USP3: variants seen among roughly 807,000 people sequenced by gnomAD.
USP3 encodes the protein ubiquitin specific peptidase 3.
USP3 carries 20 observed loss-of-function variants against 72.3 expected under a neutral mutation model. The ratio of observed to expected loss-of-function variants is 0.28; its 90% CI spans 0.19 to 0.40. USP3 has a LOEUF of 0.40. USP3 is among the 10% of genes least tolerant of loss of function. The pLI, the probability that USP3 is intolerant of heterozygous loss-of-function variation, is 1.00. For synonymous variants in USP3, 222 were observed against 225.3 expected, an observed-to-expected ratio of 0.99 and a Z score of 0.13; for missense variants, 479 against 633.9, an observed-to-expected ratio of 0.76 and a Z score of 2.62.
Position 63,547,722 on chromosome 15 carries a change from T to TAG in USP3, c.285-5972_285-5971dup, listed in dbSNP as rs138124125. 1.3e-3 allele frequency among the ~76,000 whole-genome samples: 90 copies of TAG among 68,096 alleles called. 2 individuals are homozygous for TAG. Among genetic ancestry groups the TAG allele is most frequent in the African/African-American group, 5.2e-3 (84 of 16,242 alleles). 44.7% of individuals were successfully genotyped at this position (68,096 alleles called of 152,430 possible). On this transcript the variant is annotated intron_variant, in intron 3 of 14. Transcript: ENST00000380324. ...GCTGCAGAGCAAGACCCTGTCTCAA[T>TAG]AGAGAGAGAGAGAGAGAGAGAGGGA...
intron 1 of USP3, among the ~76,000 whole-genome samples, chr15:63,523,377 ATAG>A (rs1249199369): frequency 6.6e-6 from 1 of 152,224 alleles, no homozygotes; most frequent in Non-Finnish European, 1.5e-5. Context: ...ATAGAATAAA[ATAG>A]TAGAGCTACA....
intron 3 of USP3, chr15:63,542,223 A>G: frequency 1.0e-6 from 1 of 982,284 alleles, no homozygotes; most frequent in Non-Finnish European, 1.2e-6. Flanking sequence ...TGGGTATGAC[A>G]TATATGTTAT....
At chr15:63,530,351 C>G (rs994397232) in intron 1 of USP3, 1 of 139,390 alleles carries the variant, frequency 7.2e-6, no homozygotes, top group Non-Finnish European at 1.5e-5. Flanking sequence ...TCCTGAGGCA[C>G]AGTTTGCTCT....
At chr15:63,509,745 G>C (rs1457212951) in intron 1 of USP3, among the ~76,000 whole-genome samples, 1 of 152,106 alleles carries the variant, frequency 6.6e-6, no homozygotes, top group African/African-American at 2.4e-5. Flanking sequence ...AGCAATCTCA[G>C]CTTATTTCTA....
intron 1 of USP3, among the ~76,000 whole-genome samples, chr15:63,514,909 C>T (rs550869288): frequency 4.6e-5 from 7 of 152,152 alleles, no homozygotes; most frequent in African/African-American, 1.7e-4. Context: ...TCAGATCTTG[C>T]TGTATTAAAT....
chr15:63,570,153 C>T lies in USP3; in HGVS notation c.762-280C>T, dbSNP rs1400887327. On this transcript the variant is annotated intron_variant, in intron 8 of 14. Transcript: ENST00000380324. This position sits in a 1 kb window ranked among gnomAD's most constrained non-coding sequence, Gnocchi z 4.4. ...ACGTTGGGGAAGTCACATACCACCC[C>T]GCCACCTCCACAATTTCCTCACCTC... Among the ~76,000 whole-genome samples the T allele has an allele frequency of 2.0e-5, 3 of 152,184 alleles. No individual in the cohort carries two copies. Among genetic ancestry groups the T allele is most frequent in the Admixed American group, 1.3e-4 (2 of 15,276 alleles).
At chr15:63,532,789 T>A (rs2066096458) in intron 2 of USP3, 82 bp downstream of exon 2, 1 of 1,409,048 alleles carries the variant, frequency 7.1e-7, no homozygotes. Context: ...TTTTATTGAT[T>A]TGGATTTAGT....
Position 63,510,579 on chromosome 15 carries a change from T to C in USP3, c.91+5749T>C, listed in dbSNP as rs563014013. ...ATTTTATGTTTATTCATTGCCTCTT[T>C]AGACAGGAGAGCAATTGCATTCTAG... On this transcript the variant is annotated intron_variant, in intron 1 of 14. Transcript: ENST00000380324. Among the ~76,000 whole-genome samples, 3 of 152,212 alleles carry C rather than the reference T, an allele frequency of 2.0e-5. 1 individual carries two copies. Among genetic ancestry groups the C allele is most frequent in the Non-Finnish European group, 4.4e-5 (3 of 68,018 alleles).
intron 2 of USP3, among the ~76,000 whole-genome samples, chr15:63,536,465 A>AAGCTATAGTG (rs1259333708): frequency 6.6e-6 from 1 of 151,946 alleles, no homozygotes; most frequent in Non-Finnish European, 1.5e-5. Context: ...AAAAAAAAAA[A>AAGCTATAGTG]AAGCTATAGT....
intron 11 of USP3, among the ~76,000 whole-genome samples, chr15:63,585,083 C>T (rs2067033602): frequency 6.6e-6 from 1 of 152,072 alleles, no homozygotes; most frequent in Non-Finnish European, 1.5e-5. Flanking sequence ...TTTCATTGGT[C>T]TGTATGTCTG....
intron 1 of USP3, among the ~76,000 whole-genome samples, chr15:63,520,948 A>G (rs966199144): frequency 1.3e-5 from 2 of 152,126 alleles, no homozygotes; most frequent in African/African-American, 4.8e-5. Context: ...TCCAAAAGTT[A>G]AAACTACACA....
chr15:63,556,631 T>C, intron 4 of USP3, 36 bp from the exon 5 acceptor site: 1 of 1,532,760 alleles, frequency 6.5e-7, no homozygotes, highest in Non-Finnish European at 8.9e-7. Flanking sequence ...ATGCATATAT[T>C]AATAACTTTT....
chr15:63,583,321 A>G (rs1173837618), intron 11 of USP3, among the ~76,000 whole-genome samples: 1 of 152,136 alleles, frequency 6.6e-6, no homozygotes, highest in Non-Finnish European at 1.5e-5. Context: ...GTCAATTAAA[A>G]AAAATGAGCT....
rs1373765323 is a variant in USP3, at chr15:63,546,093, T to C, written c.285-7622T>C. Among the ~76,000 whole-genome samples, 3 of 151,996 alleles carry C rather than the reference T, an allele frequency of 2.0e-5. No individual in the cohort carries two copies. The East Asian group carries it at 5.8e-4, about 29-fold the overall frequency. On this transcript the variant is annotated intron_variant, in intron 3 of 14. Transcript: ENST00000380324. ...TAGCCTAAAACTTGGTCATATAATGTAGGTAGTTCCTGACTTCTGTTTATT... is the reference window on the plus strand; with the variant it reads ...TAGCCTAAAACTTGGTCATATAATGCAGGTAGTTCCTGACTTCTGTTTATT...
At chr15:63,516,716 A>G (rs955224219) in intron 1 of USP3, among the ~76,000 whole-genome samples, 3 of 151,576 alleles carry the variant, frequency 2.0e-5, no homozygotes, top group Non-Finnish European at 2.9e-5. Context: ...TCTTTTTCCT[A>G]TAATTCTTTA....
At chr15:63,561,162 G>A (rs891144966) in intron 7 of USP3, among the ~76,000 whole-genome samples, 1 of 152,150 alleles carries the variant, frequency 6.6e-6, no homozygotes, top group Admixed American at 6.5e-5. Context: ...CATTCAAGGA[G>A]GCTTTGCACT....
At position 63,588,367 on chromosome 15, in the gene USP3, A is replaced by G; in HGVS notation, c.1159A>G (p.Lys387Glu). 6.2e-7 allele frequency: 1 copy of G among 1,608,606 alleles called. No individual in the cohort carries two copies. The highest frequency in any genetic ancestry group is 1.3e-5 in the African/African-American group (1 of 74,604). ...LDETELYMCH[K>E]CKKKQKSTKK... ...TGAGACAGAGTTATATATGTGCCAT[A>G]AATGCAAAAAGAAACAAAAGTCCAC... Residue 387 changes from lysine to glutamate, a missense_variant, in exon 12 of 15, where the codon AAA becomes GAA. Physicochemically the swap from Lys to Glu is moderately conservative, Grantham distance 56 (BLOSUM62 1). Transcript: ENST00000380324. The surrounding 1 kb of genome is among the most constrained non-coding windows in gnomAD (Gnocchi z 4.6).
rs1378491807 is a variant in USP3, at chr15:63,588,052, T to TA, written c.1097-249dup. 6 of 312,686 alleles carry TA rather than the reference T, an allele frequency of 1.9e-5. No individual in the cohort carries two copies. The highest frequency in any genetic ancestry group is 2.3e-5 in the Non-Finnish European group (4 of 170,812). 19.4% of individuals were successfully genotyped at this position (312,686 alleles called of 1,614,324 possible). A position where few individuals can be genotyped will look rare whatever the true frequency, so the allele number is the denominator to read the frequency against. On this transcript the variant is annotated intron_variant, in intron 11 of 14. Coordinates refer to ENST00000380324, the MANE Select transcript of USP3 (RefSeq NM_006537.4). The surrounding 1 kb of genome is among the most constrained non-coding windows in gnomAD (Gnocchi z 4.6). ...TATCCAGATGAATTATCATTAATAG[T>TA]AAAACCAACACAATTGATCATCACC...
At chr15:63,530,437 C>T in intron 1 of USP3, 1 of 292,944 alleles carries the variant, frequency 3.4e-6, no homozygotes, top group Non-Finnish European at 6.7e-6. Context: ...TTGATCCTCC[C>T]ACGTGGCTGA....
Sources: gnomAD v4.1 joint callset for allele counts (sites outside exome capture counted in the v4.1 genomes callset) on GRCh38, gnomAD v4.1.1 for gene constraint, Gnocchi (gnomAD v3.1) non-coding constraint, MANE v1.5 for transcripts, NCBI Gene and HGNC (gene_info 2026-07-23, HGNC 2026-07-21) for gene names.